FRK: variants seen among roughly 807,000 people sequenced by gnomAD.
FRK encodes tyrosine-protein kinase FRK.
A neutral mutation model predicts 56.4 loss-of-function variants in FRK; 51 were observed. The observed-to-expected ratio is 0.90, with a 90% CI of 0.72 to 1.14. The LOEUF (loss-of-function observed/expected upper bound fraction) is 1.14, where lower values mean the gene tolerates loss of function less well. FRK is among the 50% of genes most tolerant of loss of function. FRK has a pLI of 0.00. For missense variants in FRK, 570 were observed against 601.4 expected (o/e 0.95, Z 0.55); for synonymous variants, 245 against 217.9 (o/e 1.12, Z -1.10).
chr6:115,952,710 G>A (rs1582639534), intron 5 of FRK, among the ~76,000 whole-genome samples: 1 of 151,522 alleles, frequency 6.6e-6, no homozygotes. Flanking sequence ...AAGAAAATGT[G>A]GCACATATAC....
chr6:115,943,929 T>A (rs902531852), intron 6 of FRK, among the ~76,000 whole-genome samples: 1 of 152,126 alleles, frequency 6.6e-6, no homozygotes, highest in African/African-American at 2.4e-5. Flanking sequence ...CTGCACAAAG[T>A]GTACTGCTTT....
At chr6:116,038,781 G>T (rs191230414) in intron 1 of FRK, 6 of 496,560 alleles carry the variant, frequency 1.2e-5, no homozygotes, top group East Asian at 1.1e-4. Flanking sequence ...AAGTTCGTTG[G>T]GGGGAACTGG....
At chr6:116,039,220 T>C in intron 1 of FRK, 1 of 1,472,504 alleles carries the variant, frequency 6.8e-7, no homozygotes, top group Non-Finnish European at 9.5e-7. Context: ...CGTGAAGGAC[T>C]GGAGCAAGGT....
upstream of FRK, among the ~76,000 whole-genome samples, chr6:116,065,482 C>A (rs1176128688): frequency 6.6e-6 from 1 of 152,204 alleles, no homozygotes; most frequent in Non-Finnish European, 1.5e-5. Context: ...ACCTGTTGAC[C>A]TTTGCTCAAT....
At position 115,938,834 on chromosome 6, in the gene FRK, C is replaced by T. The variant is rs1454336607; in HGVS notation, c.*3580G>A. 6.6e-6 allele frequency: 1 copy of T among 152,062 alleles called. No homozygotes were observed. Among genetic ancestry groups the T allele is most frequent in the East Asian group, 1.9e-4 (1 of 5,194 alleles). 9.4% of individuals were successfully genotyped at this position (152,062 alleles called of 1,614,324 possible). ...CTGAAATTGAGGCAGTAATTAATAGCCTACCAACCAAAAAAAGTCCAGGAC... is the reference window on the plus strand; with the variant it reads ...CTGAAATTGAGGCAGTAATTAATAGTCTACCAACCAAAAAAAGTCCAGGAC... On this transcript the variant is annotated 3_prime_UTR_variant, in exon 8 of 8. Transcript: ENST00000606080.
intron 2 of FRK, among the ~76,000 whole-genome samples, chr6:115,984,903 TA>T (rs1237749829): frequency 6.6e-6 from 1 of 152,152 alleles, no homozygotes; most frequent in Non-Finnish European, 1.5e-5. Flanking sequence ...GATCTTAATT[TA>T]GAGAGCTCAT....
Position 116,035,935 on chromosome 6 carries a change from C to T in FRK, c.344+24033G>A, listed in dbSNP as rs528628254. ...AGTATTACCTTCTCCCTATTCTTATCCTTCTTTTCCTCCATCCTGTAATGC... is the reference window on the plus strand; with the variant it reads ...AGTATTACCTTCTCCCTATTCTTATTCTTCTTTTCCTCCATCCTGTAATGC... On this transcript the variant is annotated intron_variant, in intron 1 of 7. Coordinates refer to ENST00000606080, the MANE Select transcript of FRK (RefSeq NM_002031.3). 1.5e-3 allele frequency among the ~76,000 whole-genome samples: 225 copies of T among 152,168 alleles called. 1 individual carries two copies. Among genetic ancestry groups the T allele is most frequent in the Admixed American group, 4.4e-3 (67 of 15,270 alleles).
intron 1 of FRK, among the ~76,000 whole-genome samples, chr6:116,032,752 C>G (rs948592647): frequency 6.6e-6 from 1 of 151,924 alleles, no homozygotes; most frequent in African/African-American, 2.4e-5. Flanking sequence ...CTTTGAGATG[C>G]AGAGAGTAAT....
At chr6:115,947,184 T>C (rs1291827965) in intron 5 of FRK, among the ~76,000 whole-genome samples, 2 of 152,104 alleles carry the variant, frequency 1.3e-5, no homozygotes, top group African/African-American at 2.4e-5. Flanking sequence ...GACTGAATGG[T>C]TGCTTATTTG....
intron 1 of FRK, 45 bp downstream of exon 1, chr6:116,059,923 G>T (rs1425539177): frequency 2.0e-6 from 3 of 1,486,584 alleles, no homozygotes; most frequent in Non-Finnish European, 2.8e-6. Context: ...TCATTACCCA[G>T]CCCTCAGAGA....
intron 1 of FRK, among the ~76,000 whole-genome samples, chr6:116,023,102 G>A (rs1040280558): frequency 2.0e-5 from 3 of 152,150 alleles, no homozygotes; most frequent in Non-Finnish European, 4.4e-5. Flanking sequence ...AAACCAACGT[G>A]AGATGGCAAT....
At chr6:116,049,835 G>C (rs1449124797) in intron 1 of FRK, among the ~76,000 whole-genome samples, 1 of 152,030 alleles carries the variant, frequency 6.6e-6, no homozygotes, top group African/African-American at 2.4e-5. Context: ...ACAAAATCAT[G>C]GGAAAACAAA....
chr6:116,039,360 C>A lies in FRK; in HGVS notation c.344+20608G>T, dbSNP rs1203194239. On this transcript the variant is annotated intron_variant, in intron 1 of 7. Transcript: ENST00000606080. The stretch of plus-strand genomic sequence containing the variant: ...CTCTGATGTGGTGGCTCAGAGCACC[C>A]GTATCCATTTATGGAGGCTCTGTGA... 14 of 1,464,748 alleles carry A rather than the reference C, an allele frequency of 9.6e-6. No homozygotes were observed. In the East Asian group the frequency reaches 3.0e-4, roughly 31 times the overall value. The allele number at this position is 1,464,748 out of a possible 1,614,324, so 90.7% of individuals were successfully genotyped here.
upstream of FRK, among the ~76,000 whole-genome samples, chr6:116,063,362 A>AAAG (rs1777685492): frequency 1.3e-5 from 2 of 152,218 alleles, 1 homozygote; most frequent in Middle Eastern, 6.3e-3. Flanking sequence ...TACACATTAG[A>AAAG]AACCTATTCA....
rs1055766082 is a variant in FRK at position 115,936,046 on chromosome 6, G to C, written c.*6368C>G. 5 of 153,766 alleles carry C rather than the reference G, an allele frequency of 3.3e-5. No homozygotes were observed. Among genetic ancestry groups the C allele is most frequent in the African/African-American group, 1.2e-4 (5 of 41,578 alleles). The allele number at this position is 153,766 out of a possible 1,614,324, so 9.5% of individuals were successfully genotyped here. On this transcript the variant is annotated 3_prime_UTR_variant, in exon 8 of 8. Coordinates refer to ENST00000606080, the MANE Select transcript of FRK (RefSeq NM_002031.3). ...CCCTGACCCTCGTTTATCCTGATTG[G>C]GAGATATCTCCCAGTAGGGGCCAAC...
In FRK at chr6:115,937,100, G is replaced by A. The variant is rs1172460589; in HGVS notation, c.*5314C>T. 3 of 152,206 alleles carry A rather than the reference G, an allele frequency of 2.0e-5. No homozygotes were observed. The highest frequency in any genetic ancestry group is 7.2e-5 in the African/African-American group (3 of 41,436). 9.4% of individuals were successfully genotyped at this position (152,206 alleles called of 1,614,324 possible). A position where few individuals can be genotyped will look rare whatever the true frequency, so the allele number is the denominator to read the frequency against. On this transcript the variant is annotated 3_prime_UTR_variant, in exon 8 of 8. Transcript: ENST00000606080. ...AGAAAGGTCAGGTTAGCCACAAAGG[G>A]AAGCCCATCAGACTAACAGAGGATC...
intron 1 of FRK, among the ~76,000 whole-genome samples, chr6:116,058,252 A>C (rs1777470449): frequency 1.3e-5 from 2 of 152,222 alleles, no homozygotes; most frequent in Admixed American, 1.3e-4. Context: ...CCAATATATA[A>C]AGATATTTCC....
chr6:116,062,564 G>A (rs928489443), upstream of FRK, among the ~76,000 whole-genome samples: 5 of 152,070 alleles, frequency 3.3e-5, no homozygotes, highest in Admixed American at 1.3e-4. Flanking sequence ...TTGAATTGTC[G>A]GGGTTCTAAA....
chr6:115,993,424 A>G (rs1774697229), intron 2 of FRK, among the ~76,000 whole-genome samples: 1 of 151,906 alleles, frequency 6.6e-6, no homozygotes, highest in Non-Finnish European at 1.5e-5. Context: ...GGATGTTCAC[A>G]GAATTTTTTT....
Sources: gnomAD v4.1 joint callset for allele counts (sites outside exome capture counted in the v4.1 genomes callset) on GRCh38, gnomAD v4.1.1 for gene constraint, MANE v1.5 for transcripts, NCBI Gene and HGNC (gene_info 2026-07-23, HGNC 2026-07-21) for gene names.